EPB41L4A: variants seen among roughly 807,000 people sequenced by gnomAD.
EPB41L4A encodes band 4.1-like protein 4A.
In EPB41L4A, 100 loss-of-function variants were observed where a neutral mutation model predicts 108.6. That is an observed-to-expected ratio of 0.92 (90% CI 0.78 to 1.09). The LOEUF is 1.09. Among genes scored for constraint, EPB41L4A ranks in the 50% least tolerant of loss-of-function variants. The pLI, the probability that EPB41L4A is intolerant of heterozygous loss-of-function variation, is 0.00. For missense variants in EPB41L4A, 1,030 were observed against 842.7 expected, an observed-to-expected ratio of 1.22 and a Z score of -2.75; for synonymous variants, 319 against 289.0, an observed-to-expected ratio of 1.10 and a Z score of -1.05.
At chr5:112,357,664 T>C (rs1170615108) in intron 1 of EPB41L4A, among the ~76,000 whole-genome samples, 4 of 152,206 alleles carry the variant, frequency 2.6e-5, no homozygotes, top group Admixed American at 2.0e-4. Flanking sequence ...GTACATTTGC[T>C]TGTCCTCTTT....
intron 1 of EPB41L4A, among the ~76,000 whole-genome samples, chr5:112,411,496 T>A (rs1373772509): frequency 1.3e-5 from 2 of 152,078 alleles, no homozygotes; most frequent in Non-Finnish European, 2.9e-5. Context: ...ATATCATACA[T>A]ACTAATAGCT....
intron 18 of EPB41L4A, among the ~76,000 whole-genome samples, chr5:112,182,908 A>G (rs1761229822): frequency 6.6e-6 from 1 of 152,186 alleles, no homozygotes. Context: ...TTACAGAGTA[A>G]TTAATACATC....
intron 8 of EPB41L4A, 26 bp downstream of exon 8, chr5:112,259,865 C>T (rs771204889): frequency 1.2e-5 from 19 of 1,574,728 alleles, no homozygotes; most frequent in Non-Finnish European, 7.0e-6. Context: ...CATAGAATGC[C>T]AACTCTGTTC....
chr5:112,348,865 T>C (rs1054448212), intron 1 of EPB41L4A, among the ~76,000 whole-genome samples: 4 of 152,196 alleles, frequency 2.6e-5, no homozygotes, highest in Non-Finnish European at 5.9e-5. Context: ...CGCACAATGT[T>C]GACACCAAAT....
chr5:112,413,211 A>G (rs1418611153), intron 1 of EPB41L4A, among the ~76,000 whole-genome samples: 2 of 152,230 alleles, frequency 1.3e-5, no homozygotes, highest in Non-Finnish European at 2.9e-5. Context: ...TACTTACAAA[A>G]TACAAAAACG....
rs114389195 is a variant in EPB41L4A at position 112,331,728 on chromosome 5, G to C, written c.100-24238C>G. ...AGGATCTTCGCAAGTCCAGCTGATG[G>C]AGTTGGGAGGCAAGGGCCCTCGGCC... is the stretch of plus-strand genomic sequence containing the variant. On this transcript the variant is annotated intron_variant, in intron 1 of 22. Transcript: ENST00000261486. 9.3e-3 allele frequency among the ~76,000 whole-genome samples: 1,410 copies of C among 152,328 alleles called. 24 individuals are homozygous for C. The highest frequency in any genetic ancestry group is 0.032 in the African/African-American group (1,344 of 41,566).
At chr5:112,249,573 T>A (rs1750510090) in intron 9 of EPB41L4A, 1 of 152,226 alleles carries the variant, frequency 6.6e-6, no homozygotes, top group Admixed American at 6.5e-5. Flanking sequence ...GCTTTCCTCA[T>A]ATTTTTTCAT....
intron 12 of EPB41L4A, among the ~76,000 whole-genome samples, chr5:112,229,297 C>T (rs1748696540): frequency 6.6e-6 from 1 of 152,184 alleles, no homozygotes; most frequent in African/African-American, 2.4e-5. Context: ...ATAGTTACAT[C>T]AGAAACCACA....
chr5:112,374,295 G>A (rs1034038545), intron 1 of EPB41L4A, among the ~76,000 whole-genome samples: 19 of 152,268 alleles, frequency 1.2e-4, no homozygotes, highest in Non-Finnish European at 1.2e-4. Flanking sequence ...CAGTTTCCTG[G>A]ATTAATCTTC....
intron 1 of EPB41L4A, among the ~76,000 whole-genome samples, chr5:112,337,918 G>A (rs2150686818): frequency 6.6e-6 from 1 of 152,172 alleles, no homozygotes; most frequent in South Asian, 2.1e-4. Context: ...CAGAAACAAA[G>A]GTACCAATGA....
intron 9 of EPB41L4A, chr5:112,250,742 A>G (rs1750598519): frequency 6.6e-6 from 1 of 152,174 alleles, no homozygotes; most frequent in Non-Finnish European, 1.5e-5. Context: ...TCTTCCTGCC[A>G]TAACACAAGC....
intron 15 of EPB41L4A, among the ~76,000 whole-genome samples, chr5:112,200,394 T>G (rs1230208099): frequency 6.6e-6 from 1 of 152,232 alleles, no homozygotes; most frequent in Non-Finnish European, 1.5e-5. Flanking sequence ...ACACGTGTAC[T>G]TTTCTGTATG....
chr5:112,320,506 C>T (rs1755704835), intron 1 of EPB41L4A, among the ~76,000 whole-genome samples: 2 of 152,142 alleles, frequency 1.3e-5, no homozygotes, highest in Non-Finnish European at 1.5e-5. Flanking sequence ...TTTAAAATTG[C>T]AGTAACAGTG....
chr5:112,316,124 A>G (rs1755414312), intron 1 of EPB41L4A, among the ~76,000 whole-genome samples: 2 of 152,236 alleles, frequency 1.3e-5, no homozygotes, highest in South Asian at 4.1e-4. Flanking sequence ...ATTTGAAAAT[A>G]CCATCAATGG....
chr5:112,191,532 C>A (rs939373530), intron 17 of EPB41L4A, among the ~76,000 whole-genome samples: 1 of 152,136 alleles, frequency 6.6e-6, no homozygotes, highest in Non-Finnish European at 1.5e-5. Flanking sequence ...TCTTTCTCTT[C>A]ACACAAAATG....
chr5:112,239,933 CAAAAA>C (rs933716930), intron 10 of EPB41L4A, among the ~76,000 whole-genome samples, 196 bp from the exon 11 acceptor site: 26 of 152,158 alleles, frequency 1.7e-4, no homozygotes, highest in African/African-American at 6.0e-4. Context: ...AAAACAAAAC[CAAAAA>C]ATAAAGCTTA....
chr5:112,301,493 A>T (rs1466068824), intron 2 of EPB41L4A, among the ~76,000 whole-genome samples: 1 of 152,164 alleles, frequency 6.6e-6, no homozygotes, highest in Non-Finnish European at 1.5e-5. Context: ...GAGTCCTGTG[A>T]TGTGAACCAT....
intron 1 of EPB41L4A, among the ~76,000 whole-genome samples, chr5:112,345,768 CATATATAT>C (rs113557925): frequency 2.5e-5 from 3 of 119,226 alleles, no homozygotes; most frequent in African/African-American, 1.1e-4. Flanking sequence ...TATATATATA[CATATATAT>C]ATATACACAC....
In EPB41L4A at chr5:112,169,039, C is replaced by T; in HGVS notation, c.1806G>A (p.Arg602=). ...HSPRSYRQYR[R]SQCSDGERSV... ...ATCGCTCCCCATCTGAACACTGGGA[C>T]CTGCGATACTGGCGGTAACTTCGTG... Residue 602 remains arginine, a synonymous_variant, in exon 21 of 23, where the codon AGG becomes AGA. Coordinates refer to ENST00000261486, the MANE Select transcript of EPB41L4A (RefSeq NM_022140.5). 1.2e-6 allele frequency: 2 copies of T among 1,614,122 alleles called. No individual in the cohort carries two copies. The highest frequency in any genetic ancestry group is 1.3e-5 in the African/African-American group (1 of 75,028).
Sources: allele counts gnomAD v4.1 joint callset (sites outside exome capture counted in the v4.1 genomes callset), GRCh38; gene constraint gnomAD v4.1.1; transcripts MANE v1.5; gene names NCBI Gene and HGNC (gene_info 2026-07-23, HGNC 2026-07-21).